Variants in CHD6 observed in about 807,000 individuals in gnomAD.
The protein encoded by CHD6 is chromodomain helicase DNA binding protein 6, also known as ATP-dependent chromatin remodeler CHD6.
In CHD6, 50 loss-of-function variants were observed where a neutral mutation model predicts 276.9. The observed-to-expected ratio is 0.18, with a 90% CI of 0.14 to 0.23. The LOEUF is 0.23. Ranked by LOEUF, CHD6 falls within the 10% of genes least tolerant of loss-of-function variation. CHD6 has a pLI of 1.00. For synonymous variants in CHD6, 1,173 were observed against 1,229.3 expected (o/e 0.95, Z 0.96); for missense variants, 2,564 against 3,365.8 (o/e 0.76, Z 5.89).
chr20:41,414,653 G>A (rs573560019), intron 34 of CHD6: 34 of 222,678 alleles, frequency 1.5e-4, no homozygotes, highest in Admixed American at 2.7e-4. Flanking sequence ...GGAACAAACT[G>A]TCTTAGCATG....
chr20:41,495,210 C>T (rs1432423131), intron 8 of CHD6, among the ~76,000 whole-genome samples: 2 of 152,134 alleles, frequency 1.3e-5, no homozygotes, highest in East Asian at 3.8e-4. Context: ...AGCTAAGTGT[C>T]CATCAAGGGA....
At chr20:41,543,460 A>G (rs1352540091) in intron 2 of CHD6, among the ~76,000 whole-genome samples, 2 of 152,168 alleles carry the variant, frequency 1.3e-5, no homozygotes, top group Non-Finnish European at 2.9e-5. Context: ...ACACACCTGT[A>G]TCTCTCCTCA....
At chr20:41,413,658 C>T in intron 34 of CHD6, 143 bp from the exon 35 acceptor site, 1 of 652,634 alleles carries the variant, frequency 1.5e-6, no homozygotes. Flanking sequence ...GAATTAGAAC[C>T]CTACACACAC....
chr20:41,572,954 G>T (rs1241798593), intron 1 of CHD6, among the ~76,000 whole-genome samples: 1 of 152,038 alleles, frequency 6.6e-6, no homozygotes, highest in Non-Finnish European at 1.5e-5. Context: ...CTGTCGCCCA[G>T]GCTGGAGTGC....
intron 1 of CHD6, among the ~76,000 whole-genome samples, chr20:41,603,439 T>C (rs2045793570): frequency 6.6e-6 from 1 of 152,192 alleles, no homozygotes; most frequent in Non-Finnish European, 1.5e-5. Flanking sequence ...TGAGTTATGG[T>C]TGCAAGATTA....
Position 41,404,280 on chromosome 20 carries a change from G to A in CHD6, c.*313C>T. 1 of 1,105,280 alleles carries A rather than the reference G, an allele frequency of 9.0e-7. No homozygotes were observed. The highest frequency in any genetic ancestry group is 1.1e-6 in the Non-Finnish European group (1 of 906,854). The allele number at this position is 1,105,280 out of a possible 1,614,324, so 68.5% of individuals were successfully genotyped here. A position where few individuals can be genotyped will look rare whatever the true frequency, so the allele number is the denominator to read the frequency against. Reference sequence around the variant, plus strand: ...TTCTTTTGCCATTTTTCCTCCTCAAGTGAGTGGGAAACTTGGAAGAGAAGG... The same window carrying A: ...TTCTTTTGCCATTTTTCCTCCTCAAATGAGTGGGAAACTTGGAAGAGAAGG... On this transcript the variant is annotated 3_prime_UTR_variant, in exon 37 of 37. Coordinates refer to ENST00000373233, the MANE Select transcript of CHD6 (RefSeq NM_032221.5).
Position 41,473,084 on chromosome 20 carries a change from A to T in CHD6, c.2664+238T>A. On this transcript the variant is annotated intron_variant, in intron 17 of 36. Transcript: ENST00000373233. This position sits in a 1 kb window ranked among gnomAD's most constrained non-coding sequence, Gnocchi z 4.1. ...ATTAGTAGTTCTAGTCTATATCTGG[A>T]GGCTACCACTGTGAAACATCATTTG... 1 of 461,058 alleles carries T rather than the reference A, an allele frequency of 2.2e-6. No homozygotes were observed. The highest frequency in any genetic ancestry group is 3.2e-5 in the East Asian group (1 of 30,934). The allele number at this position is 461,058 out of a possible 1,614,324, so 28.6% of individuals were successfully genotyped here.
intron 1 of CHD6, among the ~76,000 whole-genome samples, chr20:41,582,857 T>C (rs1280880002): frequency 6.6e-6 from 1 of 152,172 alleles, no homozygotes; most frequent in Non-Finnish European, 1.5e-5. Context: ...GTTCCTTTGA[T>C]GGGCTCATAA....
At chr20:41,477,809 G>A (rs982920303) in intron 16 of CHD6, among the ~76,000 whole-genome samples, 2 of 152,168 alleles carry the variant, frequency 1.3e-5, no homozygotes, top group Non-Finnish European at 2.9e-5. Context: ...AAGCAGGGAC[G>A]CAGAGTCTAA....
chr20:41,502,771 C>T (rs1034802196), intron 5 of CHD6, among the ~76,000 whole-genome samples: 4 of 152,094 alleles, frequency 2.6e-5, no homozygotes, highest in African/African-American at 9.7e-5. Context: ...TTTGGGAGGT[C>T]GAGGCAGGTG....
chr20:41,459,549 C>T (rs1569102523), intron 17 of CHD6: 1 of 152,462 alleles, frequency 6.6e-6, no homozygotes. Flanking sequence ...GGGGAGGTAA[C>T]TGAATCACGG....
At chr20:41,567,442 G>A (rs1466268443) in intron 1 of CHD6, among the ~76,000 whole-genome samples, 1 of 152,142 alleles carries the variant, frequency 6.6e-6, no homozygotes, top group African/African-American at 2.4e-5. Flanking sequence ...CACCCTGGGG[G>A]AGACTTAAGC....
intron 2 of CHD6, among the ~76,000 whole-genome samples, chr20:41,536,914 T>C (rs1001629457): frequency 2.0e-5 from 3 of 152,140 alleles, no homozygotes; most frequent in Non-Finnish European, 4.4e-5. Context: ...TACTGGCCAT[T>C]TACAAGTTTC....
In CHD6 at chr20:41,420,577, G is replaced by C; in HGVS notation, c.6058C>G (p.Leu2020Val). 2 of 1,613,986 alleles carry C rather than the reference G, an allele frequency of 1.2e-6. No individual in the cohort carries two copies. Among genetic ancestry groups the C allele is most frequent in the Non-Finnish European group, 1.7e-6 (2 of 1,179,954 alleles). The change falls in exon 31 of 37, where the codon CTC becomes GTC. Residue 2020 changes from leucine (L) to valine (V), a missense_variant. By Grantham distance (32) the Leu-to-Val change is conservative. This residue lies in a region of CHD6 where 1,024 missense variants were observed against 1,047.9 expected (regional missense o/e 0.98). Transcript: ENST00000373233. ...TCAAAATCCATGTCTTCTGATTTGAGCTCACTTCCTTCAAGAGGATATGTG... is the reference window on the plus strand; with the variant it reads ...TCAAAATCCATGTCTTCTGATTTGACCTCACTTCCTTCAAGAGGATATGTG... ...FPTYPLEGSE[L>V]KSEDMDFENK... is the part of the protein sequence containing the mutation.
At chr20:41,610,948 G>A (rs2045881313) in intron 1 of CHD6, among the ~76,000 whole-genome samples, 1 of 152,080 alleles carries the variant, frequency 6.6e-6, no homozygotes, top group African/African-American at 2.4e-5. Context: ...TTCAATCTTA[G>A]TATGAAAGAA....
At chr20:41,439,746 A>T (rs937968144) in intron 26 of CHD6, among the ~76,000 whole-genome samples, 2 of 152,248 alleles carry the variant, frequency 1.3e-5, no homozygotes, top group African/African-American at 4.8e-5. Context: ...GCTTTTAGAA[A>T]GGTGGGCAGC....
At chr20:41,570,625 G>GT (rs1183016461) in intron 1 of CHD6, among the ~76,000 whole-genome samples, 6 of 152,214 alleles carry the variant, frequency 3.9e-5, no homozygotes, top group Admixed American at 1.3e-4. Context: ...TATGTTTGCA[G>GT]TAACTCTTGC....
intron 2 of CHD6, among the ~76,000 whole-genome samples, chr20:41,549,756 C>T (rs888418218): frequency 6.6e-6 from 1 of 151,966 alleles, no homozygotes; most frequent in Non-Finnish European, 1.5e-5. Context: ...TATAAACCTG[C>T]TCACATACCA....
chr20:41,540,785 A>T (rs1346652430), intron 2 of CHD6, among the ~76,000 whole-genome samples: 1 of 152,202 alleles, frequency 6.6e-6, no homozygotes, highest in Non-Finnish European at 1.5e-5. Context: ...AGCTAAACAT[A>T]AAAACGAGTA....
Sources: allele counts gnomAD v4.1 joint callset (sites outside exome capture counted in the v4.1 genomes callset), GRCh38; gene constraint gnomAD v4.1.1; regional missense constraint gnomAD v4.1.1; non-coding constraint Gnocchi (gnomAD v3.1); transcripts MANE v1.5; gene names NCBI Gene and HGNC (gene_info 2026-07-23, HGNC 2026-07-21).